The following ENG variants were observed in gnomAD, a reference collection of about 807,000 sequenced individuals.
ENG encodes CD105 antigen.
Under a neutral mutation model 71.0 loss-of-function variants are expected in ENG, and 17 were observed. The observed-to-expected ratio is 0.24, with a 90% CI of 0.16 to 0.36. The LOEUF is 0.36. ENG is among the 10% of genes least tolerant of loss of function. The probability of loss-of-function intolerance (pLI) is 1.00; values close to 1 mark genes in which losing one functional copy is unlikely to be tolerated. For synonymous variants in ENG, 360 were observed against 366.9 expected, an observed-to-expected ratio of 0.98 and a Z score of 0.21; for missense variants, 749 against 868.3, an observed-to-expected ratio of 0.86 and a Z score of 1.73.
rs1479008574 is a variant in ENG at position 127,838,583 on chromosome 9, C to T, written c.219+4511G>A. Among the ~76,000 whole-genome samples, 1 of 152,206 alleles carries T rather than the reference C, an allele frequency of 6.6e-6. No homozygotes were observed. The highest frequency in any genetic ancestry group is 2.4e-5 in the African/African-American group (1 of 41,444). On this transcript the variant is annotated intron_variant, in intron 2 of 14. Transcript: ENST00000373203. This position sits in a 1 kb window ranked among gnomAD's most constrained non-coding sequence, Gnocchi z 4.3. ...TGTTCAGGGGTGGGTGGGGTCTCAG[C>T]TGCCCCAAGTTTGCCCAGGAGTGGG...
Position 127,825,223 on chromosome 9 carries a change from C to G in ENG, c.816+8G>C, listed in dbSNP as rs765936911. ...GGTTTTGTGTCCCGGGAGCTGCGCA[C>G]AACTCACCCAGATCTGCATGTTGTG... On this transcript the variant is annotated splice_region_variant and intron_variant, in intron 6 of 14. Transcript: ENST00000373203. 1.2e-6 allele frequency: 2 copies of G among 1,613,054 alleles called. No individual in the cohort carries two copies. Among genetic ancestry groups the G allele is most frequent in the South Asian group, 1.1e-5 (1 of 91,040 alleles).
chr9:127,839,546 A>C (rs1006706745), intron 2 of ENG, among the ~76,000 whole-genome samples: 1 of 151,966 alleles, frequency 6.6e-6, no homozygotes, highest in African/African-American at 2.4e-5. Context: ...TGCCCCATTA[A>C]TCTTTTTTTT....
intron 1 of ENG, among the ~76,000 whole-genome samples, chr9:127,845,456 T>TC (rs1469791387): frequency 7.2e-5 from 11 of 152,228 alleles, no homozygotes; most frequent in African/African-American, 2.2e-4. Flanking sequence ...TCTGACCCTA[T>TC]CCTACATGTC....
Position 127,824,839 on chromosome 9 carries a change from G to T in ENG, c.952C>A (p.Pro318Thr), listed in dbSNP as rs146089714. The T allele has an allele frequency of 1.3e-6, 2 of 1,596,996 alleles. No individual in the cohort carries two copies. The highest frequency in any genetic ancestry group is 1.7e-6 in the Non-Finnish European group (2 of 1,171,674). The change falls in exon 7 of 15, where the codon CCG becomes ACG. Residue 318 changes from proline to threonine, a missense_variant. Coordinates refer to ENST00000373203, the MANE Select transcript of ENG (RefSeq NM_001114753.3). ...TGAAGTGAGACAATGCTGGCCAGCG[G>T]TAGCTCCACGAAGGATGCCACAATG... ...ASIVASFVEL[P>T]LASIVSLHAS...
At chr9:127,848,846 T>C (rs1421233997) in intron 1 of ENG, among the ~76,000 whole-genome samples, 1 of 152,244 alleles carries the variant, frequency 6.6e-6, no homozygotes, top group Admixed American at 6.5e-5. Flanking sequence ...CTGGATACAG[T>C]GAGTTCTAGA....
chr9:127,828,625 C>T (rs1178848667), intron 3 of ENG, among the ~76,000 whole-genome samples: 3 of 152,168 alleles, frequency 2.0e-5, no homozygotes, highest in South Asian at 2.1e-4. Context: ...ACCTCGATTC[C>T]CCTTCTGGGC....
At position 127,818,221 on chromosome 9, in the gene ENG, G is replaced by A. The variant is rs745316066; in HGVS notation, c.1585C>T (p.Arg529Cys). 6.2e-6 allele frequency: 10 copies of A among 1,614,078 alleles called. No homozygotes were observed. The highest frequency in any genetic ancestry group is 1.1e-5 in the South Asian group (1 of 91,092). Residue 529 changes from arginine (R) to cysteine (C), a missense_variant, in exon 12 of 15, where the codon CGC becomes TGC. Transcript: ENST00000373203. ...LLSPSPEGDPRFSFLLHFYTV... is the reference protein window; with the variant it reads ...LLSPSPEGDPCFSFLLHFYTV... ...TAGAAGTGGAGGAGGAAGCTGAAGCGCGGGTCACCCTCGGGGCTTGGGGAC... is the reference window on the plus strand; with the variant it reads ...TAGAAGTGGAGGAGGAAGCTGAAGCACGGGTCACCCTCGGGGCTTGGGGAC...
chr9:127,826,947 T>C, intron 3 of ENG: 1 of 478,984 alleles, frequency 2.1e-6, no homozygotes, highest in Non-Finnish European at 3.9e-6. Context: ...GCTGTTCTCA[T>C]TCAACCCACA....
chr9:127,844,061 G>A (rs1176020087), intron 1 of ENG, among the ~76,000 whole-genome samples: 5 of 149,210 alleles, frequency 3.4e-5, no homozygotes, highest in African/African-American at 7.4e-5. Flanking sequence ...GTGAGCCACC[G>A]TGCCCGGCCA....
At chr9:127,828,976 G>A (rs755512711) in intron 3 of ENG, among the ~76,000 whole-genome samples, 6 of 152,076 alleles carry the variant, frequency 3.9e-5, no homozygotes, top group Non-Finnish European at 8.8e-5. Flanking sequence ...GGAGGAGGCA[G>A]TGCTGGCAAG....
rs1470162739 is a variant in ENG, at chr9:127,842,220, CTTTTCTTTTTTTT to C, written c.219+861_219+873del. Reference sequence around the variant, plus strand: ...TCAACTGAAAAGCACTTCTCTTTTTCTTTTCTTTTTTTTTTTTTTTTTTTGAGACAGGGTCTCA... The same window carrying C: ...TCAACTGAAAAGCACTTCTCTTTTTCTTTTTTTTTTTGAGACAGGGTCTCA... On this transcript the variant is annotated intron_variant, in intron 2 of 14. Transcript: ENST00000373203. Among the ~76,000 whole-genome samples the C allele has an allele frequency of 1.0e-4, 9 of 87,910 alleles. No individual in the cohort carries two copies. The East Asian group carries it at 3.1e-3, about 31-fold the overall frequency. 57.7% of individuals were successfully genotyped at this position (87,910 alleles called of 152,430 possible).
intron 8 of ENG, among the ~76,000 whole-genome samples, chr9:127,823,417 C>G (rs1413225978): frequency 6.7e-6 from 1 of 148,698 alleles, no homozygotes. Context: ...GAGATGGAGT[C>G]TCTCTCTGTC....
chr9:127,830,614 T>G (rs1365771369), intron 2 of ENG, among the ~76,000 whole-genome samples: 1 of 150,232 alleles, frequency 6.7e-6, no homozygotes, highest in African/African-American at 2.5e-5. Context: ...GCTATTGCAC[T>G]CCAGCCTGGG....
rs1830282477 is a variant in ENG, at chr9:127,815,467, G to C, written c.*215C>G. On this transcript the variant is annotated 3_prime_UTR_variant, in exon 15 of 15. Coordinates refer to ENST00000373203, the MANE Select transcript of ENG (RefSeq NM_001114753.3). ...GGCAGCCATATCCCAGACCCACTGG[G>C]TTGAAGGTTCTGTGGGGTGGAGGGA... 1 of 924,558 alleles carries C rather than the reference G, an allele frequency of 1.1e-6. No homozygotes were observed. Among genetic ancestry groups the C allele is most frequent in the East Asian group, 2.7e-5 (1 of 37,140 alleles). The allele number at this position is 924,558 out of a possible 1,614,324, so 57.3% of individuals were successfully genotyped here.
At chr9:127,834,387 G>A (rs147505608) in intron 2 of ENG, among the ~76,000 whole-genome samples, 3,042 of 151,964 alleles carry the variant, frequency 0.02, 49 homozygotes, top group Non-Finnish European at 0.027. Flanking sequence ...ACAGGTGTGC[G>A]CCACCATGCC....
chr9:127,823,188 C>T (rs1391278500), intron 8 of ENG, among the ~76,000 whole-genome samples: 1 of 151,876 alleles, frequency 6.6e-6, no homozygotes. Flanking sequence ...CTCTGTTGCC[C>T]AGGCTGGAGT....
At position 127,829,709 on chromosome 9, in the gene ENG, C is replaced by T. The variant is rs1169024767; in HGVS notation, c.338G>A (p.Gly113Glu). The change falls in exon 3 of 15, where the codon GGA (glycine) becomes GAA (glutamate). Residue 113 changes from glycine (G) to glutamate (E), a missense_variant. Coordinates refer to ENST00000373203, the MANE Select transcript of ENG (RefSeq NM_001114753.3). ...SSVFLHLQAL[G>E]IPLHLAYNSS... ...CACGTAGGCCAAGTGCAGTGGGATTCCCAGGGCCTGGAGATGCAGGAAGAC... is the reference window on the plus strand; with the variant it reads ...CACGTAGGCCAAGTGCAGTGGGATTTCCAGGGCCTGGAGATGCAGGAAGAC... The T allele has an allele frequency of 4.3e-6, 7 of 1,613,972 alleles. No individual in the cohort carries two copies. Among genetic ancestry groups the T allele is most frequent in the Middle Eastern group, 1.6e-4 (1 of 6,078 alleles).
chr9:127,850,530 T>A (rs934080593), intron 1 of ENG, among the ~76,000 whole-genome samples: 1 of 152,070 alleles, frequency 6.6e-6, no homozygotes, highest in African/African-American at 2.4e-5. Context: ...GAGCCCACCC[T>A]CTCCTGGTTC....
chr9:127,842,617 G>A (rs1011974400), intron 2 of ENG, among the ~76,000 whole-genome samples: 2 of 151,970 alleles, frequency 1.3e-5, no homozygotes, highest in Admixed American at 1.3e-4. Flanking sequence ...TAGAGATGGG[G>A]TTTCACCATG....
Sources: gnomAD v4.1 joint callset for allele counts (sites outside exome capture counted in the v4.1 genomes callset) on GRCh38, gnomAD v4.1.1 for gene constraint, Gnocchi (gnomAD v3.1) non-coding constraint, MANE v1.5 for transcripts, NCBI Gene and HGNC (gene_info 2026-07-23, HGNC 2026-07-21) for gene names.